Variants in CBR3 observed in about 807,000 individuals in gnomAD.
The protein encoded by CBR3 is carbonyl reductase [NADPH] 3.
In CBR3, 14 loss-of-function variants were observed where a neutral mutation model predicts 11.6. That is an observed-to-expected ratio of 1.20 (90% CI 0.79 to 1.88). CBR3 has a LOEUF of 1.88. CBR3 is among the 40% of genes most tolerant of loss of function. The pLI is 0.00. For synonymous variants in CBR3, 125 were observed against 145.6 expected, an observed-to-expected ratio of 0.86 and a Z score of 1.02; for missense variants, 308 against 357.3, an observed-to-expected ratio of 0.86 and a Z score of 1.11.
chr21:36,144,304 C>A (rs1398062941), intron 2 of CBR3, among the ~76,000 whole-genome samples: 1 of 152,006 alleles, frequency 6.6e-6, no homozygotes, highest in East Asian at 1.9e-4. Context: ...TAAAAAAATA[C>A]AAAAATTAGC....
At chr21:36,142,809 A>G (rs2065723837) in intron 2 of CBR3, among the ~76,000 whole-genome samples, 1 of 152,200 alleles carries the variant, frequency 6.6e-6, no homozygotes, top group Non-Finnish European at 1.5e-5. Context: ...AAAGAAATAC[A>G]TACATACACT....
chr21:36,137,733 C>T, intron 1 of CBR3, 92 bp from the exon 2 acceptor site: 2 of 732,050 alleles, frequency 2.7e-6, no homozygotes, highest in Non-Finnish European at 2.4e-6. Flanking sequence ...ACTTGTTTTT[C>T]CTTTAGTTGT....
At chr21:36,139,285 G>T (rs1043314278) in intron 2 of CBR3, among the ~76,000 whole-genome samples, 1 of 152,034 alleles carries the variant, frequency 6.6e-6, no homozygotes, top group Non-Finnish European at 1.5e-5. Flanking sequence ...CTGTGCTGGG[G>T]TACAGGGAAG....
Position 36,135,483 on chromosome 21 carries a change from T to C in CBR3, c.289+2T>C, listed in dbSNP as rs2065651443. 3 of 1,606,952 alleles carry C rather than the reference T, an allele frequency of 1.9e-6. No homozygotes were observed. The highest frequency in any genetic ancestry group is 1.1e-5 in the South Asian group (1 of 90,372). The stretch of plus-strand genomic sequence containing the variant: ...ACAACGCGGCCGTCGCCTTCAAGAG[T>C]AGGTGCAGGGCTTGGGTTGGGGCCC... On this transcript the variant is annotated splice_donor_variant, in intron 1 of 2. Transcript: ENST00000290354. LOFTEE classifies it high-confidence loss of function.
chr21:36,141,745 C>A, intron 2 of CBR3: 1 of 167,140 alleles, frequency 6.0e-6, no homozygotes, highest in Non-Finnish European at 1.2e-5. Flanking sequence ...CTTCCCAGGG[C>A]TGATGACGCA....
chr21:36,135,124 G>C lies in CBR3; in HGVS notation c.-69G>C. 7.2e-7 allele frequency: 1 copy of C among 1,383,628 alleles called. No homozygotes were observed. The highest frequency in any genetic ancestry group is 9.4e-7 in the Non-Finnish European group (1 of 1,067,822). 85.7% of individuals were successfully genotyped at this position (1,383,628 alleles called of 1,614,324 possible). A position where few individuals can be genotyped will look rare whatever the true frequency, so the allele number is the denominator to read the frequency against. On this transcript the variant is annotated 5_prime_UTR_variant, in exon 1 of 3. Coordinates refer to ENST00000290354, the MANE Select transcript of CBR3 (RefSeq NM_001236.4). Reference sequence around the variant, plus strand: ...GCATTGACACTAGCTGGGCTCCTCGGGGCGCGCCCCAGGTGGTCCGAAGCC... The same window carrying C: ...GCATTGACACTAGCTGGGCTCCTCGCGGCGCGCCCCAGGTGGTCCGAAGCC...
At chr21:36,142,542 G>A (rs1398870544) in intron 2 of CBR3, among the ~76,000 whole-genome samples, 1 of 151,924 alleles carries the variant, frequency 6.6e-6, no homozygotes, top group Non-Finnish European at 1.5e-5. Context: ...TTGAATATGG[G>A]CTGTATTTTA....
rs4987121 is a variant in CBR3 at position 36,146,381 on chromosome 21, A to T, written c.703A>T (p.Met235Leu). Residue 235 changes from methionine to leucine, a missense_variant, in exon 3 of 3, where the codon ATG becomes TTG. Transcript: ENST00000290354. Reference sequence around the variant, plus strand: ...CTGCCCAGGACCAGTGAAGACAGACATGGATGGGAAAGACAGCATCAGGAC... The same window carrying T: ...CTGCCCAGGACCAGTGAAGACAGACTTGGATGGGAAAGACAGCATCAGGAC... Reference protein sequence around the residue: ...ACCPGPVKTDMDGKDSIRTVE... With the variant: ...ACCPGPVKTDLDGKDSIRTVE... 1.0e-3 allele frequency: 1,632 copies of T among 1,614,166 alleles called. 16 individuals carry two copies. The African/African-American group carries it at 0.019, about 19-fold the overall frequency.
chr21:36,143,070 C>T (rs189637850), intron 2 of CBR3, among the ~76,000 whole-genome samples: 177 of 152,126 alleles, frequency 1.2e-3, no homozygotes, highest in African/African-American at 4.0e-3. Flanking sequence ...TTTGGGAGGC[C>T]GAGGAAGGCA....
At chr21:36,137,476 G>A (rs1025992131) in intron 1 of CBR3, 1 of 192,372 alleles carries the variant, frequency 5.2e-6, no homozygotes, top group African/African-American at 2.4e-5. Flanking sequence ...AAAAGAAAGA[G>A]AAAGAAAGAA....
At position 36,146,334 on chromosome 21, in the gene CBR3, A is replaced by G. The variant is rs769801024; in HGVS notation, c.656A>G (p.Asp219Gly). ...CGTCTGGATGAGAAGAGGAAAGCTG[A>G]CAGGATTCTGGTGAATGCGTGCTGC... is the stretch of plus-strand genomic sequence containing the variant. ...ARRLDEKRKA[D>G]RILVNACCPG... The change falls in exon 3 of 3, where the codon GAC (aspartate) becomes GGC (glycine). Residue 219 changes from aspartate to glycine, a missense_variant. Physicochemically the swap from Asp to Gly is moderately conservative, Grantham distance 94. Transcript: ENST00000290354. The G allele has an allele frequency of 6.2e-7, 1 of 1,614,056 alleles. No individual in the cohort carries two copies. Among genetic ancestry groups the G allele is most frequent in the African/African-American group, 1.3e-5 (1 of 74,922 alleles).
chr21:36,146,128 C>T lies in CBR3; in HGVS notation c.450C>T (p.Cys150=). The T allele has an allele frequency of 1.9e-6, 3 of 1,613,874 alleles. No individual in the cohort carries two copies. In the South Asian group the frequency reaches 3.3e-5, roughly 18 times the overall value. Residue 150 remains cysteine (C), a synonymous_variant, in exon 3 of 3, where the codon TGC becomes TGT. Coordinates refer to ENST00000290354, the MANE Select transcript of CBR3 (RefSeq NM_001236.4). The part of the protein sequence containing the change: ...SLQCLRAFEN[C]SEDLQERFHS... ...AGTGTTTAAGGGCTTTTGAAAACTGCAGTGAAGATCTGCAGGAAAGGTTCC... is the reference window on the plus strand; with the variant it reads ...AGTGTTTAAGGGCTTTTGAAAACTGTAGTGAAGATCTGCAGGAAAGGTTCC...
intron 1 of CBR3, chr21:36,137,041 A>T (rs1033464456): frequency 6.6e-6 from 1 of 151,686 alleles, no homozygotes; most frequent in Admixed American, 6.6e-5. Context: ...AAAAAAAAAA[A>T]AAAAAAAAAA....
At chr21:36,137,488 GA>G (rs769607069) in intron 1 of CBR3, 30 of 197,106 alleles carry the variant, frequency 1.5e-4, no homozygotes, top group African/African-American at 4.4e-4. Flanking sequence ...AAGAAAGAAA[GA>G]AAAGAAAAGA....
chr21:36,135,249 G>C lies in CBR3; in HGVS notation c.57G>C (p.Leu19Phe), dbSNP rs200563007. 1.3e-6 allele frequency: 2 copies of C among 1,571,766 alleles called. No homozygotes were observed. Among genetic ancestry groups the C allele is most frequent in the Non-Finnish European group, 1.7e-6 (2 of 1,161,860 alleles). Reference protein sequence around the residue: ...LVTGANRGIGLAIARELCRQF... With the variant: ...LVTGANRGIGFAIARELCRQF... ...CCGGGGCCAACAGGGGCATCGGCTT[G>C]GCCATCGCGCGCGAACTGTGCCGAC... is the stretch of plus-strand genomic sequence containing the variant. The change falls in exon 1 of 3, where the codon TTG (leucine) becomes TTC (phenylalanine). Residue 19 changes from leucine to phenylalanine, a missense_variant. Physicochemically the swap from Leu to Phe is conservative, Grantham distance 22 (BLOSUM62 0). Coordinates refer to ENST00000290354, the MANE Select transcript of CBR3 (RefSeq NM_001236.4).
chr21:36,139,281 T>G lies in CBR3; in HGVS notation c.397+1349T>G, dbSNP rs182602692. Among the ~76,000 whole-genome samples the G allele has an allele frequency of 2.1e-3, 322 of 152,130 alleles. 3 individuals are homozygous for G. Among genetic ancestry groups the G allele is most frequent in the African/African-American group, 5.9e-3 (244 of 41,526 alleles). On this transcript the variant is annotated intron_variant, in intron 2 of 2. Coordinates refer to ENST00000290354, the MANE Select transcript of CBR3 (RefSeq NM_001236.4). ...CTGAAGTGTGAAATGACAGCTGTGC[T>G]GGGGTACAGGGAAGCTTGCTTCCTT... is the stretch of plus-strand genomic sequence containing the variant.
rs559253237 is a variant in CBR3 at position 36,135,592 on chromosome 21, C to T, written c.289+111C>T. On this transcript the variant is annotated intron_variant, in intron 1 of 2. Transcript: ENST00000290354. Reference sequence around the variant, plus strand: ...GAGTGACCGAGGAGGGTGGCGCCGACCCCTAGGGATGCGCTCAGCCCACGC... The same window carrying T: ...GAGTGACCGAGGAGGGTGGCGCCGATCCCTAGGGATGCGCTCAGCCCACGC... The T allele has an allele frequency of 2.8e-5, 30 of 1,052,880 alleles. No individual in the cohort carries two copies. The South Asian group carries it at 5.2e-4, about 18-fold the overall frequency. 65.2% of individuals were successfully genotyped at this position (1,052,880 alleles called of 1,614,324 possible). A position where few individuals can be genotyped will look rare whatever the true frequency, so the allele number is the denominator to read the frequency against.
chr21:36,135,981 A>G lies in CBR3; in HGVS notation c.289+500A>G, dbSNP rs45482293. On this transcript the variant is annotated intron_variant, in intron 1 of 2. Transcript: ENST00000290354. ...CGCGCGCTTGCCCTTGGTGGACTTGACAATTTGTGTAATGCAGAGCTTTGA... is the reference window on the plus strand; with the variant it reads ...CGCGCGCTTGCCCTTGGTGGACTTGGCAATTTGTGTAATGCAGAGCTTTGA... Among the ~76,000 whole-genome samples, 70 of 152,318 alleles carry G rather than the reference A, an allele frequency of 4.6e-4. 1 individual carries two copies. The highest frequency in any genetic ancestry group is 1.6e-3 in the African/African-American group (67 of 41,576).
chr21:36,142,441 A>AAAAAAAACAAAC (rs1555883312), intron 2 of CBR3, among the ~76,000 whole-genome samples: 1 of 149,640 alleles, frequency 6.7e-6, no homozygotes, highest in African/African-American at 2.5e-5. Context: ...CAAAAAAAAA[A>AAAAAAAACAAAC]AAAAAAACGC....
Sources: allele counts gnomAD v4.1 joint callset (sites outside exome capture counted in the v4.1 genomes callset), GRCh38; gene constraint gnomAD v4.1.1; transcripts MANE v1.5; gene names NCBI Gene and HGNC (gene_info 2026-07-23, HGNC 2026-07-21).